EPB41: variants seen among roughly 807,000 people sequenced by gnomAD.
EPB41 encodes erythrocyte membrane protein band 4.1.
In EPB41, 65 loss-of-function variants were observed where a neutral mutation model predicts 108.0. The ratio of observed to expected loss-of-function variants is 0.60; its 90% confidence interval spans 0.49 to 0.74. The LOEUF (loss-of-function observed/expected upper bound fraction) is 0.74, where lower values mean the gene tolerates loss of function less well. Among genes scored for constraint, EPB41 ranks in the 30% least tolerant of loss-of-function variants. The pLI is 0.00. For missense variants in EPB41, 875 were observed against 1,037.0 expected (o/e 0.84, Z 2.15); for synonymous variants, 336 against 358.9 (o/e 0.94, Z 0.72).
At chr1:28,971,861 A>G (rs2095503711) in intron 1 of EPB41, among the ~76,000 whole-genome samples, 1 of 152,218 alleles carries the variant, frequency 6.6e-6, no homozygotes, top group African/African-American at 2.4e-5. Context: ...AATCCATTTC[A>G]TAAAGATTTC....
intron 16 of EPB41, among the ~76,000 whole-genome samples, chr1:29,087,783 GT>G (rs935632217): frequency 6.6e-6 from 1 of 152,064 alleles, no homozygotes; most frequent in African/African-American, 2.4e-5. Context: ...TGCATAAATA[GT>G]TTTTGAGAGA....
At chr1:29,013,272 C>T (rs988379533) in intron 5 of EPB41, among the ~76,000 whole-genome samples, 10 of 151,484 alleles carry the variant, frequency 6.6e-5, no homozygotes, top group African/African-American at 2.2e-4. Context: ...TGGCAGTGAG[C>T]CGAGATCGCG....
intron 16 of EPB41, chr1:29,069,298 A>G (rs529568716): frequency 6.5e-6 from 8 of 1,231,628 alleles, no homozygotes; most frequent in Admixed American, 8.4e-5. Context: ...TTCATAGATA[A>G]CATCTGTCTT....
intron 11 of EPB41, 124 bp from the exon 12 acceptor site, chr1:29,052,980 T>C: frequency 9.7e-7 from 1 of 1,026,040 alleles, no homozygotes; most frequent in South Asian, 1.4e-5. Context: ...CTCTGTGTGA[T>C]AGCCCACTAC....
At chr1:29,071,902 T>C (rs1651658143) in intron 16 of EPB41, 1 of 152,232 alleles carries the variant, frequency 6.6e-6, no homozygotes, top group South Asian at 2.1e-4. Flanking sequence ...TCAATGCTTT[T>C]CAGTTGATGA....
chr1:29,039,102 A>G (rs1640556525), intron 10 of EPB41, 152 bp from the exon 11 acceptor site: 1 of 840,988 alleles, frequency 1.2e-6, no homozygotes, highest in Non-Finnish European at 1.8e-6. Context: ...AAGAACTAAA[A>G]TAATGATTAC....
intron 16 of EPB41, chr1:29,073,203 C>T (rs566931205): frequency 6.6e-6 from 1 of 151,630 alleles, no homozygotes; most frequent in East Asian, 1.9e-4. Flanking sequence ...ATTGGTGTTA[C>T]CCTGATTCAG....
intron 1 of EPB41, among the ~76,000 whole-genome samples, chr1:28,908,275 G>A (rs1570328276): frequency 1.3e-5 from 2 of 150,918 alleles, no homozygotes; most frequent in South Asian, 2.1e-4. Flanking sequence ...GACGGCGGGG[G>A]CCTGTAATCC....
chr1:29,056,836 C>T (rs1284582886), intron 12 of EPB41, among the ~76,000 whole-genome samples: 1 of 152,114 alleles, frequency 6.6e-6, no homozygotes, highest in Non-Finnish European at 1.5e-5. Context: ...GGCCTCAATT[C>T]TTAAACTGAA....
At chr1:28,921,520 C>T (rs749338151) in intron 1 of EPB41, among the ~76,000 whole-genome samples, 3 of 151,908 alleles carry the variant, frequency 2.0e-5, no homozygotes, top group Non-Finnish European at 4.4e-5. Context: ...TTTCAGCATG[C>T]GATAGGGACA....
At chr1:29,088,731 A>G (rs1447453340) in intron 16 of EPB41, among the ~76,000 whole-genome samples, 1 of 152,204 alleles carries the variant, frequency 6.6e-6, no homozygotes. Context: ...CACTCAGAAC[A>G]GACTCTGTTA....
chr1:28,911,588 G>A (rs2092259698), upstream of EPB41, among the ~76,000 whole-genome samples: 1 of 152,184 alleles, frequency 6.6e-6, no homozygotes, highest in South Asian at 2.1e-4. Flanking sequence ...GGTGGAGATG[G>A]TAAACCACTG....
intron 9 of EPB41, among the ~76,000 whole-genome samples, chr1:29,034,890 G>C (rs1638785469): frequency 6.6e-6 from 1 of 151,070 alleles, no homozygotes; most frequent in Admixed American, 6.6e-5. Flanking sequence ...AAAATAATAA[G>C]TGTGTCAGGT....
At chr1:28,902,346 C>T in intron 1 of EPB41, 1 of 985,274 alleles carries the variant, frequency 1.0e-6, no homozygotes, top group South Asian at 4.7e-5. Flanking sequence ...CTAGTTGGGG[C>T]TGTTTGGCTG....
chr1:29,072,037 A>G (rs910568800), intron 16 of EPB41: 9 of 152,132 alleles, frequency 5.9e-5, no homozygotes, highest in African/African-American at 2.2e-4. Context: ...CTCTGGAGAC[A>G]TGTAGAAATA....
At chr1:28,944,355 CAG>C (rs1476844063) in intron 1 of EPB41, among the ~76,000 whole-genome samples, 1 of 152,056 alleles carries the variant, frequency 6.6e-6, no homozygotes, top group Non-Finnish European at 1.5e-5. Flanking sequence ...TTAAAAATAA[CAG>C]AATGTAATTG....
intron 5 of EPB41, 110 bp from the exon 6 acceptor site, chr1:29,015,578 GAAAA>G (rs11433402): frequency 1.9e-5 from 12 of 620,650 alleles, no homozygotes; most frequent in Admixed American, 1.8e-4. Context: ...CCGTCTCAAA[GAAAA>G]AAAAAAAAGA....
intron 1 of EPB41, among the ~76,000 whole-genome samples, chr1:28,894,084 C>T (rs952106755): frequency 6.6e-6 from 1 of 152,160 alleles, no homozygotes; most frequent in African/African-American, 2.4e-5. Context: ...GGAATAGAAT[C>T]CTTTTTCTGT....
At chr1:28,943,729 A>T (rs866208250) in intron 1 of EPB41, among the ~76,000 whole-genome samples, 1 of 152,172 alleles carries the variant, frequency 6.6e-6, no homozygotes, top group South Asian at 2.1e-4. Flanking sequence ...GCTGGCAAGG[A>T]TGTGGACAAA....
Sources: gnomAD v4.1 joint callset for allele counts (sites outside exome capture counted in the v4.1 genomes callset) on GRCh38, gnomAD v4.1.1 for gene constraint, MANE v1.5 for transcripts, NCBI Gene and HGNC (gene_info 2026-07-23, HGNC 2026-07-21) for gene names.